Variants in LINGO2 observed in about 807,000 individuals in gnomAD.
LINGO2 encodes the protein leucine-rich repeat and immunoglobulin-like domain-containing nogo receptor-interacting protein 2.
LINGO2 carries 14 observed loss-of-function variants against 30.6 expected under a neutral mutation model. The observed-to-expected ratio is 0.46, with a 90% CI of 0.30 to 0.72. LINGO2 has a LOEUF of 0.72. Among genes scored for constraint, LINGO2 ranks in the 30% least tolerant of loss-of-function variants. The pLI is 0.07. For missense variants in LINGO2, 729 were observed against 751.7 expected (o/e 0.97, Z 0.35); for synonymous variants, 317 against 288.5 (o/e 1.10, Z -1.00).
chr9:28,189,713 A>AAGGAAGGAAGGAAGGAAGGG (rs1564029706), intron 4 of LINGO2, among the ~76,000 whole-genome samples: 4 of 94,064 alleles, frequency 4.3e-5, no homozygotes, highest in Non-Finnish European at 4.6e-5. Context: ...GGAAGGAAGG[A>AAGGAAGGAAGGAAGGAAGGG]AGGAAGGAAG....
the LINGO2 span, among the ~76,000 whole-genome samples, chr9:28,753,323 A>G: frequency 6.6e-6 from 1 of 152,000 alleles, no homozygotes; most frequent in Admixed American, 6.6e-5. Flanking sequence ...CTTATATTTT[A>G]AAAATCTTCT....
chr9:28,159,760 TTTACCAGATTGCTTAACTAACTA>T (rs1327176423), intron 4 of LINGO2, among the ~76,000 whole-genome samples: 1 of 152,200 alleles, frequency 6.6e-6, no homozygotes, highest in Non-Finnish European at 1.5e-5. Flanking sequence ...TGTTTTCTGT[TTTACCAGATTGCTTAACTAACTA>T]TAAACGATAA....
At chr9:29,145,395 C>T in the LINGO2 span, among the ~76,000 whole-genome samples, 1 of 151,376 alleles carries the variant, frequency 6.6e-6, no homozygotes, top group Non-Finnish European at 1.5e-5. Context: ...TATTGTTCTT[C>T]CAAATGAAGG....
intron 5 of LINGO2, among the ~76,000 whole-genome samples, chr9:28,006,060 G>T (rs988841793): frequency 6.6e-6 from 1 of 152,046 alleles, no homozygotes; most frequent in Non-Finnish European, 1.5e-5. Flanking sequence ...ATAAGGTCTA[G>T]GCCTATCACA....
At chr9:28,014,308 T>G (rs1320384698) in intron 4 of LINGO2, among the ~76,000 whole-genome samples, 1 of 152,222 alleles carries the variant, frequency 6.6e-6, no homozygotes, top group Non-Finnish European at 1.5e-5. Context: ...TCATTATAAT[T>G]GCATAATAGT....
the LINGO2 span, among the ~76,000 whole-genome samples, chr9:28,767,037 G>T: frequency 1.3e-5 from 2 of 151,192 alleles, no homozygotes; most frequent in East Asian, 1.9e-4. Context: ...TTTAAGAAAA[G>T]TTGAATACAT....
the LINGO2 span, among the ~76,000 whole-genome samples, chr9:28,743,353 G>A: frequency 6.6e-6 from 1 of 151,560 alleles, no homozygotes; most frequent in Middle Eastern, 3.4e-3. Context: ...TCCCCCGACA[G>A]GCCCCGGTGT....
Position 28,026,047 on chromosome 9 carries a change from C to CT in LINGO2, c.-86-13643dup, listed in dbSNP as rs1823360248. Among the ~76,000 whole-genome samples the CT allele has an allele frequency of 2.6e-5, 4 of 152,308 alleles. No individual in the cohort carries two copies. The South Asian group carries it at 8.3e-4, about 32-fold the overall frequency. On this transcript the variant is annotated intron_variant, in intron 4 of 5. Transcript: ENST00000379992. ...TCCAGTCTCCTGTTGCCTTTACTTA[C>CT]TGTGTTCTAGCTACTGAGGCCTTCC...
the LINGO2 span, among the ~76,000 whole-genome samples, chr9:28,838,025 A>T: frequency 1.3e-5 from 2 of 152,128 alleles, no homozygotes; most frequent in Admixed American, 1.3e-4. Flanking sequence ...GGAGAAAAAA[A>T]TGTTTGAAAA....
intron 4 of LINGO2, among the ~76,000 whole-genome samples, chr9:28,077,570 T>TAAACATGATTTACTGAGTAAAATTTAA (rs1825662285): frequency 2.7e-4 from 36 of 135,280 alleles, no homozygotes; most frequent in African/African-American, 1.2e-3. Context: ...AAAACTATTA[T>TAAACATGATTTACTGAGTAAAATTTAA]CTTATTTTTT....
chr9:29,129,062 G>A, the LINGO2 span, among the ~76,000 whole-genome samples: 1 of 152,044 alleles, frequency 6.6e-6, no homozygotes, highest in African/African-American at 2.4e-5. Flanking sequence ...TCATTGTTTG[G>A]CATAGAAGGT....
chr9:28,718,974 C>T, the LINGO2 span, among the ~76,000 whole-genome samples: 2 of 152,026 alleles, frequency 1.3e-5, no homozygotes, highest in Admixed American at 1.3e-4. Context: ...CATCATCACT[C>T]TTCTCAGTGC....
At chr9:28,769,538 TTTTTTTTA>T in the LINGO2 span, among the ~76,000 whole-genome samples, 1 of 104,664 alleles carries the variant, frequency 9.6e-6, no homozygotes, top group Admixed American at 1.0e-4. Flanking sequence ...TTTTTTTTTT[TTTTTTTTA>T]CCTGAATGTC....
chr9:28,831,139 T>C, the LINGO2 span, among the ~76,000 whole-genome samples: 1 of 152,252 alleles, frequency 6.6e-6, no homozygotes, highest in African/African-American at 2.4e-5. Context: ...AAAGAGGCAC[T>C]GAACTGACGA....
chr9:28,722,884 G>GACTTGTTTTCCTTCT, the LINGO2 span, among the ~76,000 whole-genome samples: 1 of 152,056 alleles, frequency 6.6e-6, no homozygotes, highest in African/African-American at 2.4e-5. Context: ...AAATGGCTTT[G>GACTTGTTTTCCTTCT]GGTTGAAACA....
At chr9:27,993,816 A>T (rs1356853606) in intron 5 of LINGO2, among the ~76,000 whole-genome samples, 1 of 152,106 alleles carries the variant, frequency 6.6e-6, no homozygotes, top group African/African-American at 2.4e-5. Flanking sequence ...AATCAAACCG[A>T]CACAGAACAT....
the LINGO2 span, among the ~76,000 whole-genome samples, chr9:29,143,413 A>C: frequency 6.6e-6 from 1 of 152,178 alleles, no homozygotes; most frequent in African/African-American, 2.4e-5. Flanking sequence ...TTCAAAACAT[A>C]TTATGAAGCT....
At chr9:29,011,337 C>T in the LINGO2 span, among the ~76,000 whole-genome samples, 1 of 152,238 alleles carries the variant, frequency 6.6e-6, no homozygotes, top group African/African-American at 2.4e-5. Context: ...TGACTTCATA[C>T]CTTTTTCTTG....
At chr9:28,639,048 T>C (rs1194257783) in intron 1 of LINGO2, among the ~76,000 whole-genome samples, 1 of 152,262 alleles carries the variant, frequency 6.6e-6, no homozygotes, top group Non-Finnish European at 1.5e-5. Context: ...TCAAAGAACA[T>C]CTTTATTTCT....
Sources: allele counts gnomAD v4.1 joint callset (sites outside exome capture counted in the v4.1 genomes callset), GRCh38; gene constraint gnomAD v4.1.1; transcripts MANE v1.5; gene names NCBI Gene and HGNC (gene_info 2026-07-23, HGNC 2026-07-21).